Variants in RIMBP2 observed in about 807,000 individuals in gnomAD.
The protein encoded by RIMBP2 is RIMS binding protein 2.
In RIMBP2, 48 loss-of-function variants were observed where a neutral mutation model predicts 118.6. The ratio of observed to expected loss-of-function variants is 0.40; its 90% CI spans 0.32 to 0.51. The LOEUF (loss-of-function observed/expected upper bound fraction) is 0.51, where lower values mean the gene tolerates loss of function less well. RIMBP2 is among the 20% of genes least tolerant of loss of function. The probability of loss-of-function intolerance (pLI) is 0.41; values close to 1 mark genes in which losing one functional copy is unlikely to be tolerated. For missense variants in RIMBP2, 1,551 were observed against 1,768.3 expected (o/e 0.88, Z 2.20); for synonymous variants, 762 against 742.9 (o/e 1.03, Z -0.42).
At chr12:130,715,593 T>C (rs951957205) in intron 1 of RIMBP2, among the ~76,000 whole-genome samples, 1 of 152,196 alleles carries the variant, frequency 6.6e-6, no homozygotes, top group African/African-American at 2.4e-5. Context: ...GGCACACGCA[T>C]GCACGCACAC....
At chr12:130,601,335 CAAAAA>C (rs35127958) in intron 2 of RIMBP2, among the ~76,000 whole-genome samples, 679 of 63,032 alleles carry the variant, frequency 0.011, 3 homozygotes, top group African/African-American at 0.032. Context: ...AGAGGGCAGG[CAAAAA>C]AAAAAAAAAA....
intron 1 of RIMBP2, among the ~76,000 whole-genome samples, chr12:130,680,124 G>A (rs1232825778): frequency 6.6e-6 from 1 of 152,272 alleles, no homozygotes; most frequent in Non-Finnish European, 1.5e-5. Flanking sequence ...GCTTTGTATG[G>A]AAACAGGAGC....
intron 2 of RIMBP2, among the ~76,000 whole-genome samples, chr12:130,570,450 C>A (rs1041125853): frequency 1.3e-5 from 2 of 152,074 alleles, no homozygotes; most frequent in African/African-American, 4.8e-5. Context: ...AACAAAAACC[C>A]TGAAATTTTA....
chr12:130,459,882 G>A (rs2079822812), intron 6 of RIMBP2, among the ~76,000 whole-genome samples: 1 of 152,172 alleles, frequency 6.6e-6, no homozygotes. Flanking sequence ...GTGTCCTATG[G>A]GGGCCATAGT....
chr12:130,422,602 A>G lies in RIMBP2; in HGVS notation c.3130-41T>C. 7.1e-7 allele frequency: 1 copy of G among 1,405,442 alleles called. No homozygotes were observed. Among genetic ancestry groups the G allele is most frequent in the Non-Finnish European group, 9.9e-7 (1 of 1,010,640 alleles). The allele number at this position is 1,405,442 out of a possible 1,614,324, so 87.1% of individuals were successfully genotyped here. A position where few individuals can be genotyped will look rare whatever the true frequency, so the allele number is the denominator to read the frequency against. ...CAACAAAGTCGTAAGTCTCGCCAGCATTGGGAACTGAAGAATTCAGTTAGC... is the reference window on the plus strand; with the variant it reads ...CAACAAAGTCGTAAGTCTCGCCAGCGTTGGGAACTGAAGAATTCAGTTAGC... On this transcript the variant is annotated intron_variant, in intron 16 of 22. Transcript: ENST00000690449. This position sits in a 1 kb window ranked among gnomAD's most constrained non-coding sequence, Gnocchi z 5.2.
intron 1 of RIMBP2, among the ~76,000 whole-genome samples, chr12:130,713,218 G>A (rs1166881801): frequency 1.8e-4 from 12 of 65,232 alleles, no homozygotes; most frequent in African/African-American, 5.5e-4. Context: ...AGATAGGAAG[G>A]AAGGAAGGAA....
chr12:130,418,333 A>C (rs2076219426), intron 17 of RIMBP2, among the ~76,000 whole-genome samples: 1 of 152,136 alleles, frequency 6.6e-6, no homozygotes, highest in Non-Finnish European at 1.5e-5. Flanking sequence ...AAAAAACCTG[A>C]CTTTTTTCTA....
At chr12:130,490,367 A>G (rs1444111001) in intron 4 of RIMBP2, among the ~76,000 whole-genome samples, 1 of 152,090 alleles carries the variant, frequency 6.6e-6, no homozygotes, top group Non-Finnish European at 1.5e-5. Context: ...ACTTATCTAC[A>G]ATTTAGCTTG....
At position 130,428,168 on chromosome 12, in the gene RIMBP2, C is replaced by T; in HGVS notation, c.2412+11G>A. On this transcript the variant is annotated intron_variant, in intron 15 of 22. Coordinates refer to ENST00000690449, the MANE Select transcript of RIMBP2 (RefSeq NM_001393629.1). ...GACGGAGTGCAGGGTCCCCCTTCCC[C>T]AGCCACTCACCTTGAGGGCATTGTG... is the stretch of plus-strand genomic sequence containing the variant. The T allele has an allele frequency of 2.5e-6, 4 of 1,584,708 alleles. No homozygotes were observed. The highest frequency in any genetic ancestry group is 3.4e-6 in the Non-Finnish European group (4 of 1,165,580).
intron 2 of RIMBP2, among the ~76,000 whole-genome samples, chr12:130,522,254 T>C (rs2052212103): frequency 6.6e-6 from 1 of 152,200 alleles, no homozygotes; most frequent in Non-Finnish European, 1.5e-5. Context: ...CTAATGAGGA[T>C]GAGGGAGGAA....
Position 130,525,522 on chromosome 12 carries a change from C to T in RIMBP2, c.-216-7605G>A, listed in dbSNP as rs1018117897. ...GTCACAGAGTCAGTAACTCCTCCTT[C>T]CTCCCACAGGCGAGTGGAATGTGGG... is the stretch of plus-strand genomic sequence containing the variant. On this transcript the variant is annotated intron_variant, in intron 2 of 22. Transcript: ENST00000690449. The surrounding 1 kb of genome is among the most constrained non-coding windows in gnomAD (Gnocchi z 4.4). Among the ~76,000 whole-genome samples, 3 of 152,168 alleles carry T rather than the reference C, an allele frequency of 2.0e-5. No homozygotes were observed. Among genetic ancestry groups the T allele is most frequent in the African/African-American group, 7.2e-5 (3 of 41,440 alleles).
At chr12:130,474,246 G>A (rs150986131) in intron 5 of RIMBP2, among the ~76,000 whole-genome samples, 9 of 152,276 alleles carry the variant, frequency 5.9e-5, no homozygotes, top group South Asian at 4.1e-4. Context: ...CCTCCGCCCC[G>A]CAGGTTACAC....
intron 1 of RIMBP2, 104 bp downstream of exon 1, chr12:130,716,118 T>A (rs1050235020): frequency 7.2e-5 from 11 of 151,964 alleles, no homozygotes; most frequent in African/African-American, 2.7e-4. Flanking sequence ...GGGCAAAGAG[T>A]TTCCGGCTAA....
chr12:130,517,748 C>T, intron 3 of RIMBP2, 80 bp downstream of exon 3: 1 of 440,352 alleles, frequency 2.3e-6, no homozygotes, highest in Non-Finnish European at 3.0e-6. Flanking sequence ...TTCTTCCCTG[C>T]CCCTTCCCAG....
chr12:130,398,819 T>TAAAC (rs2074258888), intron 22 of RIMBP2: 2 of 179,858 alleles, frequency 1.1e-5, no homozygotes, highest in African/African-American at 4.7e-5. Context: ...TCTCTCTATG[T>TAAAC]AAACACACAG....
intron 2 of RIMBP2, among the ~76,000 whole-genome samples, chr12:130,619,664 C>T (rs2140799418): frequency 6.8e-6 from 1 of 147,872 alleles, no homozygotes; most frequent in South Asian, 2.2e-4. Context: ...GGTGTGTCGT[C>T]AAGGGGACCG....
At chr12:130,639,348 C>A (rs1308277805) in intron 1 of RIMBP2, among the ~76,000 whole-genome samples, 1 of 141,478 alleles carries the variant, frequency 7.1e-6, no homozygotes, top group Non-Finnish European at 1.5e-5. Context: ...AAGATCACGC[C>A]ATTGCATCCC....
At chr12:130,423,925 G>A (rs1040695064) in intron 16 of RIMBP2, among the ~76,000 whole-genome samples, 2 of 152,224 alleles carry the variant, frequency 1.3e-5, no homozygotes, top group Non-Finnish European at 2.9e-5. Context: ...ATTCTGGGGG[G>A]TGGAAATCAT....
rs1380600509 is a variant in RIMBP2, at chr12:130,523,697, T to C, written c.-216-5780A>G. On this transcript the variant is annotated intron_variant, in intron 2 of 22. Transcript: ENST00000690449. This position sits in a 1 kb window ranked among gnomAD's most constrained non-coding sequence, Gnocchi z 4.4. ...TAATCCCTCCACCACCACCACTGAG[T>C]GTGTATGTGTCAGTACCGGGCTCAG... is the stretch of plus-strand genomic sequence containing the variant. 2.0e-5 allele frequency among the ~76,000 whole-genome samples: 3 copies of C among 152,128 alleles called. No homozygotes were observed. In the East Asian group the frequency reaches 5.8e-4, roughly 29 times the overall value.
Sources: gnomAD v4.1 joint callset for allele counts (sites outside exome capture counted in the v4.1 genomes callset) on GRCh38, gnomAD v4.1.1 for gene constraint, Gnocchi (gnomAD v3.1) non-coding constraint, MANE v1.5 for transcripts, NCBI Gene and HGNC (gene_info 2026-07-23, HGNC 2026-07-21) for gene names.